RSPRY1: variants seen among roughly 807,000 people sequenced by gnomAD.
The protein encoded by RSPRY1 is RING finger and SPRY domain-containing protein 1.
In RSPRY1, 23 loss-of-function variants were observed where a neutral mutation model predicts 73.1. The observed-to-expected ratio is 0.31, with a 90% CI of 0.23 to 0.45. RSPRY1 has a LOEUF of 0.45. Ranked by LOEUF, RSPRY1 falls within the 20% of genes least tolerant of loss-of-function variation. The pLI is 1.00. For missense variants in RSPRY1, 448 were observed against 698.7 expected, an observed-to-expected ratio of 0.64 and a Z score of 4.05; for synonymous variants, 226 against 251.4, an observed-to-expected ratio of 0.90 and a Z score of 0.95.
chr16:57,213,646 C>T (rs1429415169), intron 5 of RSPRY1, among the ~76,000 whole-genome samples: 1 of 152,228 alleles, frequency 6.6e-6, no homozygotes, highest in Non-Finnish European at 1.5e-5. Context: ...GAAATCAGAA[C>T]ATGTGGCTAC....
chr16:57,190,680 AC>A (rs1357641987), intron 1 of RSPRY1, among the ~76,000 whole-genome samples: 1 of 152,200 alleles, frequency 6.6e-6, no homozygotes, highest in African/African-American at 2.4e-5. Flanking sequence ...TTTGGAGGGG[AC>A]TTTTACAACT....
intron 8 of RSPRY1, among the ~76,000 whole-genome samples, chr16:57,218,081 ACTC>A (rs770133404): frequency 6.6e-6 from 1 of 151,902 alleles, no homozygotes; most frequent in Non-Finnish European, 1.5e-5. Flanking sequence ...GAGCATCTCT[ACTC>A]CTTGACTAGG....
intron 1 of RSPRY1, chr16:57,186,675 G>A (rs1332186887): frequency 1.3e-5 from 2 of 152,216 alleles, no homozygotes; most frequent in African/African-American, 4.8e-5. Context: ...GCCCGCGCTT[G>A]AGGGATCTGA....
rs1233425837 is a variant in RSPRY1 at position 57,235,223 on chromosome 16, A to T, written c.1629A>T (p.Gly543=). The change falls in exon 14 of 15, where the codon GGA becomes GGT. Residue 543 remains glycine (G), a synonymous_variant. Coordinates refer to ENST00000394420, the MANE Select transcript of RSPRY1 (RefSeq NM_133368.3). ...CAGACACACAATTGAAGCCATGTGG[A>T]CACAGGTAAGAGGATTTATATTAGG... ...EVADTQLKPC[G]HSDLCMDCAL... The T allele has an allele frequency of 6.2e-7, 1 of 1,610,274 alleles. No homozygotes were observed. The highest frequency in any genetic ancestry group is 8.5e-7 in the Non-Finnish European group (1 of 1,176,462).
At position 57,213,787 on chromosome 16, in the gene RSPRY1, A is replaced by C. The variant is rs192207391; in HGVS notation, c.644-101A>C. 1.8e-4 allele frequency: 152 copies of C among 867,016 alleles called. 1 individual carries two copies. In the East Asian group the frequency reaches 3.6e-3, roughly 21 times the overall value. The allele number at this position is 867,016 out of a possible 1,614,324, so 53.7% of individuals were successfully genotyped here. On this transcript the variant is annotated intron_variant, in intron 5 of 14. Transcript: ENST00000394420. ...TCAGAGCAGGAGGCTTTAATAAGAT[A>C]ATGTGCATGAAAGAGTTCTACCAAA...
intron 10 of RSPRY1, among the ~76,000 whole-genome samples, chr16:57,222,734 T>C (rs1461533306): frequency 6.6e-6 from 1 of 152,236 alleles, no homozygotes; most frequent in African/African-American, 2.4e-5. Flanking sequence ...GAGAATTAGC[T>C]AGTTTCCTCA....
chr16:57,227,268 G>A (rs1310612843), intron 10 of RSPRY1, 74 bp from the exon 11 acceptor site: 34 of 986,572 alleles, frequency 3.4e-5, no homozygotes, highest in African/African-American at 6.3e-5. Context: ...GTCAGTGGTC[G>A]TAAAAGACAC....
In RSPRY1 at chr16:57,214,750, C is replaced by T. The variant is rs143649062; in HGVS notation, c.702+804C>T. Among the ~76,000 whole-genome samples, 155 of 152,322 alleles carry T rather than the reference C, an allele frequency of 1.0e-3. No homozygotes were observed. In the East Asian group the frequency reaches 0.024, roughly 23 times the overall value. On this transcript the variant is annotated intron_variant, in intron 6 of 14. Transcript: ENST00000394420. ...TACTTCATCAAGACTAAATGAGGGC[C>T]GGGCACGGTGGCTCATGCCTATAAG...
At chr16:57,202,944 CTA>C (rs1425561929) in intron 1 of RSPRY1, among the ~76,000 whole-genome samples, 3 of 134,940 alleles carry the variant, frequency 2.2e-5, no homozygotes, top group Admixed American at 7.4e-5. Flanking sequence ...TCTTTTTCTT[CTA>C]TGTTTTCCCT....
At chr16:57,207,575 A>G (rs1418385565) in intron 2 of RSPRY1, 2 of 456,020 alleles carry the variant, frequency 4.4e-6, no homozygotes, top group East Asian at 6.9e-5. Context: ...AAGTCTAAGC[A>G]TGTAGTGGTA....
intron 1 of RSPRY1, among the ~76,000 whole-genome samples, chr16:57,195,381 A>G (rs2074421639): frequency 6.6e-6 from 1 of 152,032 alleles, no homozygotes; most frequent in African/African-American, 2.4e-5. Flanking sequence ...GCGTGGTGGC[A>G]GGCACCTGTA....
chr16:57,210,089 C>T (rs1597888314), intron 4 of RSPRY1, among the ~76,000 whole-genome samples: 2 of 134,136 alleles, frequency 1.5e-5, no homozygotes, highest in African/African-American at 5.5e-5. Flanking sequence ...CTTCCCTTTC[C>T]TTCTTGCCTC....
intron 10 of RSPRY1, among the ~76,000 whole-genome samples, chr16:57,222,865 G>A (rs760135167): frequency 1.5e-4 from 23 of 152,226 alleles, no homozygotes; most frequent in Admixed American, 3.9e-4. Context: ...TCTAGGTCTG[G>A]CACTGAATGT....
Position 57,239,167 on chromosome 16 carries a change from A to G in RSPRY1, c.*192A>G, listed in dbSNP as rs2075344597. 1 of 340,684 alleles carries G rather than the reference A, an allele frequency of 2.9e-6. No individual in the cohort carries two copies. 21.1% of individuals were successfully genotyped at this position (340,684 alleles called of 1,614,324 possible). ...AATCTAATCCAACTTGCCAGCCCTGAGAAAATCCCTTTTAAGGCCAAGGAA... is the reference window on the plus strand; with the variant it reads ...AATCTAATCCAACTTGCCAGCCCTGGGAAAATCCCTTTTAAGGCCAAGGAA... On this transcript the variant is annotated 3_prime_UTR_variant, in exon 15 of 15. Coordinates refer to ENST00000394420, the MANE Select transcript of RSPRY1 (RefSeq NM_133368.3).
At chr16:57,210,428 C>T (rs1182313002) in intron 4 of RSPRY1, among the ~76,000 whole-genome samples, 1 of 152,040 alleles carries the variant, frequency 6.6e-6, no homozygotes. Flanking sequence ...TAAGGCTGGG[C>T]GCGGTGGTTC....
chr16:57,213,935 C>G lies in RSPRY1; in HGVS notation c.691C>G (p.Leu231Val), dbSNP rs1378629954. The G allele has an allele frequency of 1.2e-6, 2 of 1,605,198 alleles. No individual in the cohort carries two copies. Among genetic ancestry groups the G allele is most frequent in the Non-Finnish European group, 1.7e-6 (2 of 1,171,974 alleles). The stretch of plus-strand genomic sequence containing the variant: ...TAGCCCAGGAATACTGGAATACTTG[C>G]TACAGTGTCTGGTAAGTGAGACATC... The part of the protein sequence containing the change: ...LLSPGILEYL[L>V]QCLKLQSHPT... The change falls in exon 6 of 15, where the codon CTA (leucine) becomes GTA (valine). Residue 231 changes from leucine to valine, a missense_variant. Transcript: ENST00000394420.
At chr16:57,222,927 G>A (rs2075062365) in intron 10 of RSPRY1, among the ~76,000 whole-genome samples, 1 of 152,124 alleles carries the variant, frequency 6.6e-6, no homozygotes, top group Non-Finnish European at 1.5e-5. Context: ...TCATCTGCTC[G>A]ATGAAATTAT....
intron 2 of RSPRY1, among the ~76,000 whole-genome samples, 181 bp from the exon 3 acceptor site, chr16:57,207,877 G>A (rs920949572): frequency 9.2e-5 from 14 of 151,880 alleles, no homozygotes; most frequent in African/African-American, 2.4e-4. Context: ...CTGGAAATGA[G>A]CACATATGGT....
At chr16:57,219,491 C>T (rs1474094388) in intron 8 of RSPRY1, among the ~76,000 whole-genome samples, 1 of 152,168 alleles carries the variant, frequency 6.6e-6, no homozygotes, top group African/African-American at 2.4e-5. Context: ...ATGTTTTGCC[C>T]ACTTTTTAAT....
Sources: allele counts gnomAD v4.1 joint callset (sites outside exome capture counted in the v4.1 genomes callset), GRCh38; gene constraint gnomAD v4.1.1; transcripts MANE v1.5; gene names NCBI Gene and HGNC (gene_info 2026-07-23, HGNC 2026-07-21).